MIIP: variants seen among roughly 807,000 people sequenced by gnomAD.
MIIP encodes the protein migration and invasion-inhibitory protein.
Under a neutral mutation model 44.8 loss-of-function variants are expected in MIIP, and 44 were observed. That is an observed-to-expected ratio of 0.98 (90% CI 0.77 to 1.26). The LOEUF is 1.26. Among genes scored for constraint, MIIP ranks in the 50% most tolerant of loss-of-function variants. MIIP has a pLI of 0.00. For synonymous variants in MIIP, 225 were observed against 218.3 expected, an observed-to-expected ratio of 1.03 and a Z score of -0.27; for missense variants, 496 against 511.7, an observed-to-expected ratio of 0.97 and a Z score of 0.30.
chr1:12,028,990 C>A (rs1001072325), intron 4 of MIIP, 43 bp from the exon 5 acceptor site: 2 of 1,533,454 alleles, frequency 1.3e-6, no homozygotes, highest in Admixed American at 1.7e-5. Flanking sequence ...CAGCAGCCCC[C>A]AGCCCCTCTC....
chr1:12,030,042 T>C lies in MIIP; in HGVS notation c.860T>C (p.Leu287Pro). The change falls in exon 8 of 10, where the codon CTG becomes CCG. Residue 287 changes from leucine to proline, a missense_variant. Leu to Pro is a moderately conservative substitution (Grantham distance 98, BLOSUM62 -3). Transcript: ENST00000235332. Reference sequence around the variant, plus strand: ...CCCCTGCGCAGGGTGAGCATCCCGCTGTCGATCCTGGAGCCCCCGCACCGG... The same window carrying C: ...CCCCTGCGCAGGGTGAGCATCCCGCCGTCGATCCTGGAGCCCCCGCACCGG... Reference protein sequence around the residue: ...QPAHVRVSIPLSILEPPHRYH... With the variant: ...QPAHVRVSIPPSILEPPHRYH... 6.2e-7 allele frequency: 1 copy of C among 1,613,532 alleles called. No individual in the cohort carries two copies. Among genetic ancestry groups the C allele is most frequent in the Non-Finnish European group, 8.5e-7 (1 of 1,179,898 alleles).
chr1:12,027,819 T>C (rs982927908), intron 4 of MIIP, among the ~76,000 whole-genome samples: 3 of 152,252 alleles, frequency 2.0e-5, no homozygotes, highest in Non-Finnish European at 4.4e-5. Context: ...CAGTCTTTCC[T>C]GTCTCCATAA....
In MIIP at chr1:12,031,758, T is replaced by A; in HGVS notation, c.1117T>A (p.Trp373Arg). ...GCAGATGCTGCCCCCGACCCCGACCTGGTCAGTGCCCCAGGTCCCTCGGCC... is the reference window on the plus strand; with the variant it reads ...GCAGATGCTGCCCCCGACCCCGACCAGGTCAGTGCCCCAGGTCCCTCGGCC... ...PMQMLPPTPT[W>R]SVPQVPRPHV... is the part of the protein sequence containing the mutation. Residue 373 changes from tryptophan (W) to arginine (R), a missense_variant, in exon 10 of 10, where the codon TGG becomes AGG. Physicochemically the swap from Trp to Arg is moderately radical, Grantham distance 101. Coordinates refer to ENST00000235332, the MANE Select transcript of MIIP (RefSeq NM_021933.4). 6.2e-7 allele frequency: 1 copy of A among 1,614,004 alleles called. No homozygotes were observed. Among genetic ancestry groups the A allele is most frequent in the South Asian group, 1.1e-5 (1 of 91,070 alleles).
At chr1:12,030,527 G>A (rs924614265) in intron 8 of MIIP, among the ~76,000 whole-genome samples, 2 of 146,180 alleles carry the variant, frequency 1.4e-5, no homozygotes, top group Admixed American at 6.8e-5. Flanking sequence ...GCTGGGATTC[G>A]AACCTAGGTC....
chr1:12,022,149 A>G lies in MIIP; in HGVS notation c.169A>G (p.Thr57Ala), dbSNP rs1376347711. ...CTCAGAGACTCCATCGACCCCAGAG[A>G]CGTCCTCAACTTCCTTGAGCACCTC... ...YNSETPSTPE[T>A]SSTSLSTSCP... Residue 57 changes from threonine to alanine, a missense_variant, in exon 3 of 10, where the codon ACG becomes GCG. Coordinates refer to ENST00000235332, the MANE Select transcript of MIIP (RefSeq NM_021933.4). 2 of 1,613,836 alleles carry G rather than the reference A, an allele frequency of 1.2e-6. No individual in the cohort carries two copies. Among genetic ancestry groups the G allele is most frequent in the Non-Finnish European group, 1.7e-6 (2 of 1,179,980 alleles).
At chr1:12,026,836 C>T (rs1007135094) in intron 4 of MIIP, among the ~76,000 whole-genome samples, 3 of 152,150 alleles carry the variant, frequency 2.0e-5, no homozygotes, top group African/African-American at 4.8e-5. Flanking sequence ...CACATCCAGT[C>T]GGGGTAAAGC....
intron 4 of MIIP, chr1:12,028,581 G>C (rs1640153407): frequency 5.9e-6 from 1 of 170,358 alleles, no homozygotes; most frequent in Non-Finnish European, 1.3e-5. Context: ...CTCACTCGGA[G>C]AGGCCTTCCC....
rs147513513 is a variant in MIIP, at chr1:12,025,028, C to CTTTTTTTTTTTTTTTTTTT, written c.547+2122_547+2123insTTTTTTTTTTTTTTTTTTT. 4.0e-4 allele frequency among the ~76,000 whole-genome samples: 49 copies of CTTTTTTTTTTTTTTTTTTT among 123,854 alleles called. 1 individual carries two copies. Among genetic ancestry groups the CTTTTTTTTTTTTTTTTTTT allele is most frequent in the African/African-American group, 6.9e-4 (22 of 31,674 alleles). The allele number at this position is 123,854 out of a possible 152,430, so 81.3% of individuals were successfully genotyped here. A position where few individuals can be genotyped will look rare whatever the true frequency, so the allele number is the denominator to read the frequency against. On this transcript the variant is annotated intron_variant, in intron 4 of 9. Transcript: ENST00000235332. The stretch of plus-strand genomic sequence containing the variant: ...TGTACTGTGTGTCAGAATTCCCTTC[C>CTTTTTTTTTTTTTTTTTTT]TTTTTTTTTTTGTTTTTTGTTTTTT...
In MIIP at chr1:12,031,793, A is replaced by G; in HGVS notation, c.1152A>G (p.Pro384=). ...SVPQVPRPHV[P]RQKP Reference sequence around the variant, plus strand: ...CCCAGGTCCCTCGGCCCCACGTCCCACGGCAGAAGCCCTGAGGACTGACTC... The same window carrying G: ...CCCAGGTCCCTCGGCCCCACGTCCCGCGGCAGAAGCCCTGAGGACTGACTC... The change falls in exon 10 of 10, where the codon CCA becomes CCG. Residue 384 remains proline (P), a synonymous_variant. Coordinates refer to ENST00000235332, the MANE Select transcript of MIIP (RefSeq NM_021933.4). 1 of 1,613,748 alleles carries G rather than the reference A, an allele frequency of 6.2e-7. No individual in the cohort carries two copies. Among genetic ancestry groups the G allele is most frequent in the Non-Finnish European group, 8.5e-7 (1 of 1,179,866 alleles).
In MIIP at chr1:12,022,454, G is replaced by T; in HGVS notation, c.462+12G>T. ...GCAAGCTGTCCAAGGTAACGTGGGAGAGCGGGACATCTGCTGATGGGAGGA... is the reference window on the plus strand; with the variant it reads ...GCAAGCTGTCCAAGGTAACGTGGGATAGCGGGACATCTGCTGATGGGAGGA... On this transcript the variant is annotated intron_variant, in intron 3 of 9. Coordinates refer to ENST00000235332, the MANE Select transcript of MIIP (RefSeq NM_021933.4). 2 of 1,510,548 alleles carry T rather than the reference G, an allele frequency of 1.3e-6. No individual in the cohort carries two copies. The highest frequency in any genetic ancestry group is 1.8e-6 in the Non-Finnish European group (2 of 1,128,702). The allele number at this position is 1,510,548 out of a possible 1,614,324, so 93.6% of individuals were successfully genotyped here. A position where few individuals can be genotyped will look rare whatever the true frequency, so the allele number is the denominator to read the frequency against.
chr1:12,020,522 G>A (rs778587233), intron 1 of MIIP, among the ~76,000 whole-genome samples: 5 of 152,202 alleles, frequency 3.3e-5, no homozygotes, highest in African/African-American at 9.6e-5. Context: ...TATTTTGTGT[G>A]TGTGTGTGAC....
chr1:12,031,313 C>T lies in MIIP; in HGVS notation c.990C>T (p.Ser330=). ...TTTTTCCTCCGAAGTCTGAGAAAAG[C>T]TCAGCCCCCAGGAACCTGGACCTCT... ...WDIFPPKSEK[S]SAPRNLDLWS... The change falls in exon 9 of 10, where the codon AGC becomes AGT. Residue 330 remains serine, a synonymous_variant. Transcript: ENST00000235332. 6.2e-7 allele frequency: 1 copy of T among 1,614,002 alleles called. No homozygotes were observed. The highest frequency in any genetic ancestry group is 8.5e-7 in the Non-Finnish European group (1 of 1,179,922).
At chr1:12,031,526 AGT>A in intron 9 of MIIP, 123 bp downstream of exon 9, 1 of 1,561,644 alleles carries the variant, frequency 6.4e-7, no homozygotes, top group Admixed American at 1.8e-5. Flanking sequence ...GGAGCCTGGG[AGT>A]GTCTCTCTGC....
chr1:12,028,909 C>T, intron 4 of MIIP, 124 bp from the exon 5 acceptor site: 2 of 741,766 alleles, frequency 2.7e-6, no homozygotes, highest in Non-Finnish European at 4.6e-6. Flanking sequence ...GTTTGAGGCA[C>T]AGTAGGGATG....
Position 12,029,804 on chromosome 1 carries a change from T to G in MIIP, c.755T>G (p.Val252Gly). The G allele has an allele frequency of 6.2e-7, 1 of 1,613,226 alleles. No homozygotes were observed. The highest frequency in any genetic ancestry group is 1.7e-5 in the Admixed American group (1 of 59,964). ...CGTGTCAACCGGCGCCTGTTCCCGG[T>G]GCCTGTGGATCCCGGTACCCCCTGC... The part of the protein sequence containing the change: ...CYRVNRRLFP[V>G]PVDPGTPCRL... The change falls in exon 7 of 10, where the codon GTG becomes GGG. Residue 252 changes from valine to glycine, a missense_variant. By Grantham distance (109) the Val-to-Gly change is moderately radical. Coordinates refer to ENST00000235332, the MANE Select transcript of MIIP (RefSeq NM_021933.4).
At chr1:12,025,028 C>CTTTTTTTTTT (rs147513513) in intron 4 of MIIP, among the ~76,000 whole-genome samples, 117 of 123,718 alleles carry the variant, frequency 9.5e-4, no homozygotes, top group Non-Finnish European at 1.0e-3. Flanking sequence ...AATTCCCTTC[C>CTTTTTTTTTT]TTTTTTTTTT....
rs1024110747 is a variant in MIIP, at chr1:12,029,839, A to G, written c.790A>G (p.Arg264Gly). 4.3e-6 allele frequency: 7 copies of G among 1,613,296 alleles called. No individual in the cohort carries two copies. Among genetic ancestry groups the G allele is most frequent in the Non-Finnish European group, 5.9e-6 (7 of 1,179,652 alleles). ...VDPGTPCRLC[R>G]TPRDQQGPGT... Reference sequence around the variant, plus strand: ...TCCCGGTACCCCCTGCCGCCTGTGCAGGACACCGCGAGACCAGCAGGGCCC... The same window carrying G: ...TCCCGGTACCCCCTGCCGCCTGTGCGGGACACCGCGAGACCAGCAGGGCCC... The change falls in exon 7 of 10, where the codon AGG becomes GGG. Residue 264 changes from arginine (R) to glycine (G), a missense_variant. Coordinates refer to ENST00000235332, the MANE Select transcript of MIIP (RefSeq NM_021933.4).
Position 12,031,831 on chromosome 1 carries a change from A to G in MIIP, c.*23A>G. On this transcript the variant is annotated 3_prime_UTR_variant, in exon 10 of 10. Transcript: ENST00000235332. ...TGAGGACTGACTCCTGGGGGAGAAC[A>G]GCATTCCCGCCGCCTCCAGCCTCTC... is the stretch of plus-strand genomic sequence containing the variant. 2 of 1,607,146 alleles carry G rather than the reference A, an allele frequency of 1.2e-6. No individual in the cohort carries two copies. The highest frequency in any genetic ancestry group is 4.5e-5 in the East Asian group (2 of 44,808).
chr1:12,021,420 A>C (rs1357959748), intron 1 of MIIP, among the ~76,000 whole-genome samples: 2 of 151,266 alleles, frequency 1.3e-5, no homozygotes, highest in Admixed American at 6.6e-5. Context: ...AAAACAAAAC[A>C]AAAAAAAATG....
Sources: gnomAD v4.1 joint callset for allele counts (sites outside exome capture counted in the v4.1 genomes callset) on GRCh38, gnomAD v4.1.1 for gene constraint, MANE v1.5 for transcripts, NCBI Gene and HGNC (gene_info 2026-07-23, HGNC 2026-07-21) for gene names.